Variants in DLG2 observed in about 807,000 individuals in gnomAD.
The protein encoded by DLG2 is disks large homolog 2.
Under a neutral mutation model 132.5 loss-of-function variants are expected in DLG2, and 45 were observed. The observed-to-expected ratio is 0.34, with a 90% confidence interval of 0.27 to 0.44. DLG2 has a LOEUF of 0.44. Ranked by LOEUF, DLG2 falls within the 20% of genes least tolerant of loss-of-function variation. The probability of loss-of-function intolerance (pLI) is 1.00; values close to 1 mark genes in which losing one functional copy is unlikely to be tolerated. For synonymous variants in DLG2, 424 were observed against 419.6 expected (o/e 1.01, Z -0.13); for missense variants, 1,045 against 1,196.9 (o/e 0.87, Z 1.87).
At chr11:83,812,841 G>A (rs2153967003) in intron 17 of DLG2, among the ~76,000 whole-genome samples, 1 of 152,276 alleles carries the variant, frequency 6.6e-6, no homozygotes, top group African/African-American at 2.4e-5. Flanking sequence ...TCTGGCAGGA[G>A]TTGCACAATG....
At chr11:84,828,732 A>C (rs2078652730) in intron 6 of DLG2, among the ~76,000 whole-genome samples, 1 of 151,788 alleles carries the variant, frequency 6.6e-6, no homozygotes, top group Non-Finnish European at 1.5e-5. Flanking sequence ...GTTTGAATTG[A>C]AAATACAATT....
At chr11:83,962,210 T>C (rs2089010869) in intron 14 of DLG2, among the ~76,000 whole-genome samples, 1 of 152,098 alleles carries the variant, frequency 6.6e-6, no homozygotes, top group South Asian at 2.1e-4. Flanking sequence ...AAAAGTATTG[T>C]TCATGGAGAA....
At chr11:85,235,863 T>C (rs1289538150) in intron 4 of DLG2, among the ~76,000 whole-genome samples, 1 of 151,836 alleles carries the variant, frequency 6.6e-6, no homozygotes. Context: ...CAGTAAAAGT[T>C]GTTGAGGAAT....
chr11:85,326,559 G>A (rs975345403), intron 3 of DLG2, among the ~76,000 whole-genome samples: 2 of 49,680 alleles, frequency 4.0e-5, no homozygotes. Context: ...ATACTTTATA[G>A]ACAAGCAAAT....
intron 7 of DLG2, among the ~76,000 whole-genome samples, chr11:84,369,585 C>T (rs1411434112): frequency 6.6e-6 from 1 of 152,046 alleles, no homozygotes; most frequent in Non-Finnish European, 1.5e-5. Flanking sequence ...TTTACTTTAA[C>T]TGTTTTGTTG....
intron 4 of DLG2, among the ~76,000 whole-genome samples, chr11:85,168,379 C>T (rs572032319): frequency 4.7e-4 from 72 of 152,080 alleles, no homozygotes; most frequent in African/African-American, 1.5e-3. Context: ...ATAAGTGAAA[C>T]AAGTATATAA....
intron 12 of DLG2, among the ~76,000 whole-genome samples, chr11:83,969,362 T>G (rs981352751): frequency 6.6e-6 from 1 of 152,134 alleles, no homozygotes; most frequent in South Asian, 2.1e-4. Context: ...TATAAAAGCT[T>G]GAGGAATCAT....
At chr11:83,873,458 T>A (rs2063871264) in intron 16 of DLG2, among the ~76,000 whole-genome samples, 2 of 151,694 alleles carry the variant, frequency 1.3e-5, no homozygotes, top group South Asian at 4.2e-4. Context: ...ATCTGATGGT[T>A]TTATAAGGGG....
chr11:84,319,523 A>G (rs1599808345), intron 7 of DLG2, among the ~76,000 whole-genome samples: 2 of 152,216 alleles, frequency 1.3e-5, no homozygotes, highest in African/African-American at 4.8e-5. Context: ...TCTCAAGTAT[A>G]AGAATCAATC....
chr11:84,983,392 C>A (rs2154120834), intron 6 of DLG2, among the ~76,000 whole-genome samples: 1 of 152,162 alleles, frequency 6.6e-6, no homozygotes, highest in Middle Eastern at 3.4e-3. Flanking sequence ...AGAGAGATAG[C>A]AATCACTACA....
At chr11:84,332,678 G>A (rs1486610657) in intron 7 of DLG2, among the ~76,000 whole-genome samples, 2 of 152,094 alleles carry the variant, frequency 1.3e-5, no homozygotes, top group African/African-American at 4.8e-5. Context: ...TGTGTAGGAA[G>A]TTTATAGGGC....
In DLG2 at chr11:85,371,295, G is replaced by A. The variant is rs550805185; in HGVS notation, c.41-85930C>T. 3.9e-5 allele frequency among the ~76,000 whole-genome samples: 6 copies of A among 152,194 alleles called. No homozygotes were observed. The East Asian group carries it at 1.2e-3, about 29-fold the overall frequency. On this transcript the variant is annotated intron_variant, in intron 3 of 27. Coordinates refer to ENST00000376104, the MANE Select transcript of DLG2 (RefSeq NM_001142699.3). ...CTTTTTGACTTTCGCTTGGAATATT[G>A]CTAATCCATGTTTTGTTTTTCAGAG... is the stretch of plus-strand genomic sequence containing the variant.
At chr11:84,008,913 A>AT (rs1422793630) in intron 11 of DLG2, among the ~76,000 whole-genome samples, 1 of 146,634 alleles carries the variant, frequency 6.8e-6, no homozygotes, top group Non-Finnish European at 1.5e-5. Context: ...TTATCTACAG[A>AT]TTTTTTCTTG....
At chr11:85,238,822 C>T (rs1189797415) in intron 4 of DLG2, among the ~76,000 whole-genome samples, 1 of 151,662 alleles carries the variant, frequency 6.6e-6, no homozygotes, top group African/African-American at 2.4e-5. Flanking sequence ...GACAGCTTCA[C>T]AAATTTTCTT....
At chr11:83,815,650 G>T (rs2048670651) in intron 17 of DLG2, among the ~76,000 whole-genome samples, 1 of 152,112 alleles carries the variant, frequency 6.6e-6, no homozygotes, top group South Asian at 2.1e-4. Flanking sequence ...GAAAGTGGTG[G>T]GCAAGCTGCA....
intron 7 of DLG2, among the ~76,000 whole-genome samples, chr11:84,266,372 G>A (rs925497242): frequency 5.3e-5 from 8 of 152,126 alleles, no homozygotes; most frequent in African/African-American, 1.9e-4. Context: ...AATTATCCAG[G>A]TCGCTTCTGG....
chr11:85,419,893 G>A (rs998208396), intron 3 of DLG2, among the ~76,000 whole-genome samples: 3 of 152,118 alleles, frequency 2.0e-5, no homozygotes, highest in Non-Finnish European at 2.9e-5. Context: ...CTTTAGCTAG[G>A]AGGAGTTTGT....
At chr11:85,244,754 G>A (rs372739563) in intron 4 of DLG2, among the ~76,000 whole-genome samples, 3 of 152,052 alleles carry the variant, frequency 2.0e-5, no homozygotes, top group African/African-American at 7.2e-5. Flanking sequence ...AGTCTCTGCT[G>A]AACTATTTAT....
intron 6 of DLG2, among the ~76,000 whole-genome samples, chr11:84,959,412 T>A (rs1191553414): frequency 2.6e-5 from 4 of 152,168 alleles, no homozygotes; most frequent in Non-Finnish European, 2.9e-5. Flanking sequence ...CCCTTCCTTG[T>A]TTTAATTGGG....
Sources: gnomAD v4.1 joint callset for allele counts (sites outside exome capture counted in the v4.1 genomes callset) on GRCh38, gnomAD v4.1.1 for gene constraint, MANE v1.5 for transcripts, NCBI Gene and HGNC (gene_info 2026-07-23, HGNC 2026-07-21) for gene names.